The following STK38L variants were observed in gnomAD, a reference collection of about 807,000 sequenced individuals.
STK38L encodes serine/threonine kinase 38 like, also known as serine/threonine-protein kinase 38-like.
STK38L carries 28 observed loss-of-function variants against 59.7 expected under a neutral mutation model. The observed-to-expected ratio is 0.47, with a 90% CI of 0.35 to 0.64. The LOEUF is 0.64. Among genes scored for constraint, STK38L ranks in the 30% least tolerant of loss-of-function variants. The pLI is 0.01. For synonymous variants in STK38L, 162 were observed against 176.8 expected (o/e 0.92, Z 0.66); for missense variants, 314 against 555.8 (o/e 0.56, Z 4.37).
intron 1 of STK38L, among the ~76,000 whole-genome samples, chr12:27,248,315 G>T (rs1239590723): frequency 6.6e-6 from 1 of 152,202 alleles, no homozygotes; most frequent in Admixed American, 6.5e-5. Flanking sequence ...GATACTTTAT[G>T]TTGGGGCAAC....
At chr12:27,315,193 C>G (rs770822481) in intron 8 of STK38L, 76 bp downstream of exon 8, 2 of 1,570,216 alleles carry the variant, frequency 1.3e-6, no homozygotes, top group Non-Finnish European at 1.8e-6. Context: ...TCCCTTTCCC[C>G]ACTCCTTAAT....
intron 1 of STK38L, among the ~76,000 whole-genome samples, chr12:27,277,629 T>A (rs1943566410): frequency 6.6e-6 from 1 of 152,184 alleles, no homozygotes; most frequent in African/African-American, 2.4e-5. Flanking sequence ...TATCTCATAA[T>A]TCTTTAAAAA....
At chr12:27,299,073 A>G (rs1201022345) in intron 2 of STK38L, among the ~76,000 whole-genome samples, 1 of 152,240 alleles carries the variant, frequency 6.6e-6, no homozygotes, top group African/African-American at 2.4e-5. Context: ...ACAACAACAG[A>G]GAACTGACAA....
chr12:27,290,441 C>G (rs1943871874), intron 1 of STK38L, among the ~76,000 whole-genome samples: 1 of 152,170 alleles, frequency 6.6e-6, no homozygotes. Context: ...TTAAATAACT[C>G]AGACAGGATC....
At chr12:27,309,550 G>C (rs1229978322) in intron 5 of STK38L, among the ~76,000 whole-genome samples, 1 of 152,142 alleles carries the variant, frequency 6.6e-6, no homozygotes, top group Non-Finnish European at 1.5e-5. Context: ...TTCTCACTAA[G>C]TTTTCACATG....
intron 1 of STK38L, among the ~76,000 whole-genome samples, chr12:27,296,303 C>T (rs191822582): frequency 6.6e-5 from 10 of 152,296 alleles, no homozygotes; most frequent in East Asian, 1.9e-4. Context: ...ACAAGTGACA[C>T]GATCAGCTTC....
intron 9 of STK38L, 77 bp downstream of exon 9, chr12:27,315,427 T>G (rs1944562620): frequency 8.7e-7 from 1 of 1,151,322 alleles, no homozygotes; most frequent in South Asian, 1.4e-5. Flanking sequence ...ATTATTTTTA[T>G]CTTTATAATA....
intron 1 of STK38L, among the ~76,000 whole-genome samples, chr12:27,257,476 C>T (rs963399569): frequency 6.6e-6 from 1 of 152,178 alleles, no homozygotes; most frequent in Non-Finnish European, 1.5e-5. Context: ...TTTCTTAATT[C>T]ACATTCCAAT....
intron 1 of STK38L, among the ~76,000 whole-genome samples, chr12:27,268,179 C>A (rs563610033): frequency 6.6e-6 from 1 of 151,402 alleles, no homozygotes; most frequent in Admixed American, 6.6e-5. Context: ...ATGTTAGTTA[C>A]ATATGTATAC....
rs770122828 is a variant in STK38L, at chr12:27,319,390, C to T, written c.1142C>T (p.Pro381Leu). 6.2e-7 allele frequency: 1 copy of T among 1,613,148 alleles called. No individual in the cohort carries two copies. Among genetic ancestry groups the T allele is most frequent in the African/African-American group, 1.3e-5 (1 of 74,884 alleles). The change falls in exon 12 of 14, where the codon CCC (proline) becomes CTC (leucine). Residue 381 changes from proline (P) to leucine (L), a missense_variant. Pro to Leu is a moderately conservative substitution (Grantham distance 98). Coordinates refer to ENST00000389032, the MANE Select transcript of STK38L (RefSeq NM_015000.4). The stretch of plus-strand genomic sequence containing the variant: ...GGAGTAGAAGAAATAAAAGGTCATC[C>T]CTTTTTTGAAGGTGTCGACTGGGAG... ...NSGVEEIKGHPFFEGVDWEHI... is the reference protein window; with the variant it reads ...NSGVEEIKGHLFFEGVDWEHI...
At chr12:27,301,799 T>C (rs969595612) in intron 2 of STK38L, among the ~76,000 whole-genome samples, 1 of 152,190 alleles carries the variant, frequency 6.6e-6, no homozygotes, top group Non-Finnish European at 1.5e-5. Flanking sequence ...ATTTCTAATA[T>C]AAGCATTGGG....
intron 1 of STK38L, among the ~76,000 whole-genome samples, chr12:27,246,564 T>A (rs1160892466): frequency 6.6e-6 from 1 of 152,230 alleles, no homozygotes; most frequent in Non-Finnish European, 1.5e-5. Context: ...ATTTTTATAT[T>A]AAAAGCACCA....
chr12:27,263,811 C>CAT (rs2136611926), intron 1 of STK38L, among the ~76,000 whole-genome samples: 1 of 152,328 alleles, frequency 6.6e-6, no homozygotes, highest in South Asian at 2.1e-4. Context: ...AAGATGACAA[C>CAT]ATACATGACT....
intron 1 of STK38L, among the ~76,000 whole-genome samples, chr12:27,258,386 A>G (rs1943133442): frequency 6.6e-6 from 1 of 151,932 alleles, no homozygotes; most frequent in African/African-American, 2.4e-5. Flanking sequence ...GTGCAGTGGC[A>G]TGATCTCGGC....
chr12:27,269,850 C>T (rs10842892), intron 1 of STK38L, among the ~76,000 whole-genome samples: 1 of 152,040 alleles, frequency 6.6e-6, no homozygotes, highest in Non-Finnish European at 1.5e-5. Flanking sequence ...GCCATGTTGG[C>T]CAGGCTGGTC....
At chr12:27,304,030 G>T (rs1410761598) in intron 3 of STK38L, among the ~76,000 whole-genome samples, 1 of 152,156 alleles carries the variant, frequency 6.6e-6, no homozygotes, top group Admixed American at 6.5e-5. Flanking sequence ...GGGAGGCCAA[G>T]ATGGGAGGAT....
chr12:27,309,920 C>T (rs939260197), intron 5 of STK38L, among the ~76,000 whole-genome samples: 3 of 152,202 alleles, frequency 2.0e-5, no homozygotes, highest in African/African-American at 7.2e-5. Flanking sequence ...ATTCTGGGCT[C>T]TCTGCATGTT....
intron 11 of STK38L, 93 bp downstream of exon 11, chr12:27,318,112 T>G: frequency 6.9e-7 from 1 of 1,453,414 alleles, no homozygotes; most frequent in Non-Finnish European, 9.5e-7. Context: ...GAAGAGGGGA[T>G]ACCACTGATG....
chr12:27,250,332 A>G (rs1942944833), intron 1 of STK38L, among the ~76,000 whole-genome samples: 1 of 152,258 alleles, frequency 6.6e-6, no homozygotes, highest in African/African-American at 2.4e-5. Context: ...CAAGAGACAC[A>G]GTAAGTAATC....
Sources: gnomAD v4.1 joint callset for allele counts (sites outside exome capture counted in the v4.1 genomes callset) on GRCh38, gnomAD v4.1.1 for gene constraint, MANE v1.5 for transcripts, NCBI Gene and HGNC (gene_info 2026-07-23, HGNC 2026-07-21) for gene names.